Variants in SPAG16 observed in about 807,000 individuals in gnomAD.
SPAG16 encodes sperm-associated antigen 16 protein.
Under a neutral mutation model 80.4 loss-of-function variants are expected in SPAG16, and 86 were observed. That is an observed-to-expected ratio of 1.07 (90% CI 0.90 to 1.28). The LOEUF (loss-of-function observed/expected upper bound fraction) is 1.28. Among genes scored for constraint, SPAG16 ranks in the 50% most tolerant of loss-of-function variants. The pLI, the probability that SPAG16 is intolerant of heterozygous loss-of-function variation, is 0.00. For missense variants in SPAG16, 870 were observed against 765.3 expected (o/e 1.14, Z -1.61); for synonymous variants, 294 against 265.9 (o/e 1.11, Z -1.03).
At chr2:214,276,671 T>C (rs559946781) in intron 15 of SPAG16, among the ~76,000 whole-genome samples, 1 of 152,364 alleles carries the variant, frequency 6.6e-6, no homozygotes, top group South Asian at 2.1e-4. Context: ...GCTGTTAGTC[T>C]GATAGTTACC....
At chr2:213,861,495 T>C (rs1157229202) in intron 10 of SPAG16, among the ~76,000 whole-genome samples, 1 of 152,184 alleles carries the variant, frequency 6.6e-6, no homozygotes, top group Non-Finnish European at 1.5e-5. Context: ...TAAATCATCA[T>C]ATGTCTTACC....
intron 12 of SPAG16, among the ~76,000 whole-genome samples, chr2:213,978,911 A>C (rs1263130496): frequency 6.6e-6 from 1 of 152,096 alleles, no homozygotes; most frequent in African/African-American, 2.4e-5. Flanking sequence ...CTATAAGAAA[A>C]AAACGATAGG....
intron 13 of SPAG16, among the ~76,000 whole-genome samples, chr2:214,033,971 T>G (rs1270823093): frequency 6.6e-6 from 1 of 152,222 alleles, no homozygotes; most frequent in East Asian, 1.9e-4. Flanking sequence ...AATCATGTAT[T>G]GCATTCAGTT....
intron 7 of SPAG16, among the ~76,000 whole-genome samples, chr2:213,363,311 G>C (rs1374219926): frequency 6.6e-6 from 1 of 151,934 alleles, no homozygotes; most frequent in African/African-American, 2.4e-5. Flanking sequence ...TCTAGGAATA[G>C]ATAGTAATCT....
intron 10 of SPAG16, among the ~76,000 whole-genome samples, chr2:213,854,166 T>G (rs2075044166): frequency 6.6e-6 from 1 of 152,210 alleles, no homozygotes; most frequent in African/African-American, 2.4e-5. Flanking sequence ...AACACAGTAA[T>G]GTACGATGTT....
At chr2:214,120,942 A>G (rs1553722695) in intron 14 of SPAG16, among the ~76,000 whole-genome samples, 3 of 151,790 alleles carry the variant, frequency 2.0e-5, no homozygotes, top group Non-Finnish European at 4.4e-5. Flanking sequence ...TTAAAAATGA[A>G]ACTTGCTTTC....
chr2:213,521,939 T>A (rs548567038), intron 10 of SPAG16, among the ~76,000 whole-genome samples: 16 of 152,300 alleles, frequency 1.1e-4, no homozygotes, highest in African/African-American at 3.9e-4. Flanking sequence ...CATAGCAATA[T>A]CTTTTGGGAG....
chr2:214,281,926 C>T (rs1297095829), intron 15 of SPAG16, among the ~76,000 whole-genome samples: 1 of 152,016 alleles, frequency 6.6e-6, no homozygotes, highest in African/African-American at 2.4e-5. Flanking sequence ...ATGGTGTGAT[C>T]CCATTTATAT....
chr2:213,358,253 G>C (rs556990611), intron 7 of SPAG16, among the ~76,000 whole-genome samples: 1 of 152,136 alleles, frequency 6.6e-6, no homozygotes, highest in Admixed American at 6.5e-5. Flanking sequence ...ACTCTTCTTG[G>C]GGAGTACCTT....
chr2:214,097,342 A>G (rs2052659035), intron 13 of SPAG16, among the ~76,000 whole-genome samples: 2 of 152,052 alleles, frequency 1.3e-5, no homozygotes. Flanking sequence ...TTTTATTTAG[A>G]TAAATTATTT....
At chr2:213,940,491 C>T (rs1442943577) in intron 12 of SPAG16, among the ~76,000 whole-genome samples, 2 of 152,018 alleles carry the variant, frequency 1.3e-5, no homozygotes, top group African/African-American at 2.4e-5. Flanking sequence ...ATAGCGTTCT[C>T]CTTATGTTGC....
intron 11 of SPAG16, among the ~76,000 whole-genome samples, chr2:213,911,198 T>G (rs2077648744): frequency 6.6e-6 from 1 of 152,242 alleles, no homozygotes; most frequent in Non-Finnish European, 1.5e-5. Context: ...CAGGCTGGAA[T>G]GCAGTGGCAC....
At chr2:213,869,264 A>AAAAAAAAAAAAAAT in intron 11 of SPAG16, among the ~76,000 whole-genome samples, 1 of 63,596 alleles carries the variant, frequency 1.6e-5, no homozygotes, top group Non-Finnish European at 3.7e-5. Context: ...AAAAAAAAAA[A>AAAAAAAAAAAAAAT]ATATATATAT....
At chr2:213,590,754 T>A (rs2060658896) in intron 10 of SPAG16, among the ~76,000 whole-genome samples, 1 of 152,202 alleles carries the variant, frequency 6.6e-6, no homozygotes, top group African/African-American at 2.4e-5. Flanking sequence ...TTTCTCAAAG[T>A]ACTAAAATTA....
intron 15 of SPAG16, among the ~76,000 whole-genome samples, chr2:214,165,048 A>C (rs368176605): frequency 6.6e-6 from 1 of 152,114 alleles, no homozygotes; most frequent in Non-Finnish European, 1.5e-5. Context: ...TCTTTACTGT[A>C]TGGAAATTTA....
chr2:214,069,521 G>A (rs912703489), intron 13 of SPAG16, among the ~76,000 whole-genome samples: 18 of 152,164 alleles, frequency 1.2e-4, no homozygotes, highest in African/African-American at 4.3e-4. Flanking sequence ...GAGTCAGAGA[G>A]TGGTTTACTC....
rs1313615004 is a variant in SPAG16, at chr2:213,744,993, A to G, written c.1071-117492A>G. On this transcript the variant is annotated intron_variant, in intron 10 of 15. Coordinates refer to ENST00000331683, the MANE Select transcript of SPAG16 (RefSeq NM_024532.5). ...CTCATTTATGGATTTTGGGTATTGT[A>G]TGACATACGTTGATTTTTCTTCATT... Among the ~76,000 whole-genome samples, 5 of 152,332 alleles carry G rather than the reference A, an allele frequency of 3.3e-5. No individual in the cohort carries two copies. The South Asian group carries it at 8.3e-4, about 25-fold the overall frequency.
chr2:213,990,776 C>A (rs183836033), intron 12 of SPAG16, among the ~76,000 whole-genome samples: 22 of 152,010 alleles, frequency 1.4e-4, no homozygotes, highest in Admixed American at 1.2e-3. Context: ...TAGTTTAAAC[C>A]CATGTTGTTA....
At chr2:213,409,941 G>A (rs2068864549) in intron 9 of SPAG16, among the ~76,000 whole-genome samples, 1 of 151,934 alleles carries the variant, frequency 6.6e-6, no homozygotes, top group South Asian at 2.1e-4. Flanking sequence ...TTTAGCACAG[G>A]TACCATCCCT....
Sources: allele counts gnomAD v4.1 joint callset (sites outside exome capture counted in the v4.1 genomes callset), GRCh38; gene constraint gnomAD v4.1.1; transcripts MANE v1.5; gene names NCBI Gene and HGNC (gene_info 2026-07-23, HGNC 2026-07-21).